Variants in SLC9A8 observed in about 807,000 individuals in gnomAD.
The protein encoded by SLC9A8 is solute carrier family 9 member A8.
A neutral mutation model predicts 66.6 loss-of-function variants in SLC9A8; 48 were observed. That is an observed-to-expected ratio of 0.72 (90% confidence interval 0.57 to 0.92). The LOEUF (loss-of-function observed/expected upper bound fraction) is 0.92, where lower values mean the gene tolerates loss of function less well. Among genes scored for constraint, SLC9A8 ranks in the 40% least tolerant of loss-of-function variants. The pLI is 0.00. For missense variants in SLC9A8, 599 were observed against 747.3 expected (o/e 0.80, Z 2.31); for synonymous variants, 274 against 282.6 (o/e 0.97, Z 0.31).
At chr20:49,839,348 G>A (rs942266858) in intron 3 of SLC9A8, among the ~76,000 whole-genome samples, 193 bp from the exon 4 acceptor site, 2 of 152,116 alleles carry the variant, frequency 1.3e-5, no homozygotes, top group African/African-American at 4.8e-5. Context: ...ATTTTAGTGT[G>A]TTTGCCTGAG....
At chr20:49,859,467 C>T (rs2143277) in intron 8 of SLC9A8, among the ~76,000 whole-genome samples, 16,619 of 147,934 alleles carry the variant, frequency 0.11, 991 homozygotes, top group African/African-American at 0.16. Context: ...GACTTACCCC[C>T]GCCTCCCCCT....
At chr20:49,835,492 A>G (rs1457060909) in intron 3 of SLC9A8, among the ~76,000 whole-genome samples, 2 of 152,034 alleles carry the variant, frequency 1.3e-5, no homozygotes, top group Admixed American at 6.6e-5. Context: ...ACTCATACCC[A>G]TTAGCAGTCA....
At chr20:49,883,118 T>A (rs1263009861) in intron 13 of SLC9A8, among the ~76,000 whole-genome samples, 1 of 151,418 alleles carries the variant, frequency 6.6e-6, no homozygotes, top group Non-Finnish European at 1.5e-5. Flanking sequence ...GGGCTAGGAC[T>A]GCCTGTCCCC....
chr20:49,846,848 G>T (rs1304614162), intron 5 of SLC9A8, among the ~76,000 whole-genome samples: 1 of 152,112 alleles, frequency 6.6e-6, no homozygotes, highest in Non-Finnish European at 1.5e-5. Context: ...GCTTGAACTC[G>T]GGAGGTGGAG....
At chr20:49,827,490 G>A (rs1322767478) in intron 3 of SLC9A8, among the ~76,000 whole-genome samples, 1 of 151,520 alleles carries the variant, frequency 6.6e-6, no homozygotes, top group Non-Finnish European at 1.5e-5. Flanking sequence ...TATAGTCCCA[G>A]CTATTCAGGA....
chr20:49,856,141 C>T (rs2088471366), intron 8 of SLC9A8, among the ~76,000 whole-genome samples: 1 of 152,160 alleles, frequency 6.6e-6, no homozygotes, highest in Non-Finnish European at 1.5e-5. Context: ...CTGAGCCCAG[C>T]TTGTCAACAT....
chr20:49,859,542 CT>C (rs1186165635), intron 8 of SLC9A8, among the ~76,000 whole-genome samples: 5 of 149,300 alleles, frequency 3.3e-5, no homozygotes, highest in Non-Finnish European at 5.9e-5. Flanking sequence ...GTCACCTTTC[CT>C]TGGTTATCAG....
intron 13 of SLC9A8, 113 bp from the exon 14 acceptor site, chr20:49,883,733 C>T: frequency 1.3e-6 from 1 of 783,460 alleles, no homozygotes; most frequent in Non-Finnish European, 2.0e-6. Flanking sequence ...TCAGCAGGGC[C>T]ATTAGAATAG....
At chr20:49,836,255 T>C (rs2087530670) in intron 3 of SLC9A8, among the ~76,000 whole-genome samples, 1 of 152,250 alleles carries the variant, frequency 6.6e-6, no homozygotes, top group Non-Finnish European at 1.5e-5. Flanking sequence ...CTTCATTCCT[T>C]TTCATTGCTG....
intron 7 of SLC9A8, among the ~76,000 whole-genome samples, chr20:49,854,374 C>T (rs1403083895): frequency 1.3e-5 from 2 of 151,940 alleles, no homozygotes; most frequent in African/African-American, 4.8e-5. Context: ...GCTCCCACCG[C>T]AGGAGTCGCT....
rs979807030 is a variant in SLC9A8, at chr20:49,886,522, T to C, written c.1492-230T>C. The C allele has an allele frequency of 1.8e-5, 8 of 457,094 alleles. No individual in the cohort carries two copies. The highest frequency in any genetic ancestry group is 1.6e-4 in the Admixed American group (4 of 25,410). 28.3% of individuals were successfully genotyped at this position (457,094 alleles called of 1,614,324 possible). On this transcript the variant is annotated intron_variant, in intron 14 of 15. Transcript: ENST00000361573. The surrounding 1 kb of genome is among the most constrained non-coding windows in gnomAD (Gnocchi z 4.8). ...CCAAGCCCCAGCCTGGCCCAGTCCTTCTGTTTTAGCTGTCCTAGGTGGGGT... is the reference window on the plus strand; with the variant it reads ...CCAAGCCCCAGCCTGGCCCAGTCCTCCTGTTTTAGCTGTCCTAGGTGGGGT...
chr20:49,876,334 CA>C (rs1400172618), intron 11 of SLC9A8, among the ~76,000 whole-genome samples: 1 of 152,198 alleles, frequency 6.6e-6, no homozygotes, highest in Non-Finnish European at 1.5e-5. Context: ...ATTTTGTACC[CA>C]GCAGTTTGGC....
chr20:49,835,502 A>C (rs974507337), intron 3 of SLC9A8, among the ~76,000 whole-genome samples: 4 of 151,566 alleles, frequency 2.6e-5, no homozygotes, highest in Non-Finnish European at 5.9e-5. Context: ...ATTAGCAGTC[A>C]CTCCCCATTT....
chr20:49,882,082 C>T (rs144968567), intron 13 of SLC9A8, among the ~76,000 whole-genome samples: 18 of 152,232 alleles, frequency 1.2e-4, no homozygotes, highest in Non-Finnish European at 2.5e-4. Flanking sequence ...CCTCTGCTAC[C>T]GGCCCCTCCC....
chr20:49,812,998 CG>C, intron 1 of SLC9A8, 50 bp downstream of exon 1: 1 of 1,333,546 alleles, frequency 7.5e-7, no homozygotes, highest in Non-Finnish European at 9.6e-7. Flanking sequence ...TGGGCCCCGG[CG>C]GGTGACAGCG....
chr20:49,880,916 A>G lies in SLC9A8; in HGVS notation c.1159-8A>G, dbSNP rs758595439. The G allele has an allele frequency of 3.8e-6, 6 of 1,593,288 alleles. No homozygotes were observed. Among genetic ancestry groups the G allele is most frequent in the Admixed American group, 1.7e-5 (1 of 60,000 alleles). The stretch of plus-strand genomic sequence containing the variant: ...TTCACCTAAGACTTAGTTTGTTGCT[A>G]TCAACAGGTGCTTGTACTATTTGGC... On this transcript the variant is annotated splice_region_variant and splice_polypyrimidine_tract_variant and intron_variant, in intron 12 of 15. Coordinates refer to ENST00000361573, the MANE Select transcript of SLC9A8 (RefSeq NM_015266.3).
intron 3 of SLC9A8, among the ~76,000 whole-genome samples, chr20:49,833,094 C>CG (rs1402329422): frequency 6.6e-6 from 1 of 151,760 alleles, no homozygotes; most frequent in African/African-American, 2.4e-5. Context: ...TTAGCGGAGA[C>CG]GGGGTTTCAC....
rs1248117303 is a variant in SLC9A8, at chr20:49,888,120, G to A, written c.*184G>A. 7 of 532,646 alleles carry A rather than the reference G, an allele frequency of 1.3e-5. No individual in the cohort carries two copies. The highest frequency in any genetic ancestry group is 9.8e-5 in the African/African-American group (5 of 51,018). 33.0% of individuals were successfully genotyped at this position (532,646 alleles called of 1,614,324 possible). ...ACCTGACAGGCCTCTGGAGCCAGGC[G>A]ACTTCTTGGGAAACTGTCATCTCCC... On this transcript the variant is annotated 3_prime_UTR_variant, in exon 16 of 16. Transcript: ENST00000361573.
chr20:49,813,531 A>G (rs746800782), intron 1 of SLC9A8, among the ~76,000 whole-genome samples: 10 of 152,118 alleles, frequency 6.6e-5, no homozygotes, highest in Non-Finnish European at 1.2e-4. Context: ...AATTAACGTT[A>G]TTTGTGCCTA....
Sources: allele counts gnomAD v4.1 joint callset (sites outside exome capture counted in the v4.1 genomes callset), GRCh38; gene constraint gnomAD v4.1.1; non-coding constraint Gnocchi (gnomAD v3.1); transcripts MANE v1.5; gene names NCBI Gene and HGNC (gene_info 2026-07-23, HGNC 2026-07-21).